Variants in KCNK13 observed in about 807,000 individuals in gnomAD.
The protein encoded by KCNK13 is potassium two pore domain channel subfamily K member 13, also known as potassium channel subfamily K member 13.
KCNK13 carries 12 observed loss-of-function variants against 23.4 expected under a neutral mutation model. The ratio of observed to expected loss-of-function variants is 0.51; its 90% CI spans 0.33 to 0.83. The LOEUF (loss-of-function observed/expected upper bound fraction) is 0.83. Among genes scored for constraint, KCNK13 ranks in the 40% least tolerant of loss-of-function variants. The pLI, the probability that KCNK13 is intolerant of heterozygous loss-of-function variation, is 0.02. For synonymous variants in KCNK13, 231 were observed against 229.5 expected (o/e 1.01, Z -0.06); for missense variants, 463 against 556.3 (o/e 0.83, Z 1.69).
In KCNK13 at chr14:90,168,307, G is replaced by T. The variant is rs1890327154; in HGVS notation, c.335-15804G>T. Among the ~76,000 whole-genome samples, 3 of 152,006 alleles carry T rather than the reference G, an allele frequency of 2.0e-5. No homozygotes were observed. In the South Asian group the frequency reaches 6.2e-4, roughly 32 times the overall value. On this transcript the variant is annotated intron_variant, in intron 1 of 1. Coordinates refer to ENST00000282146, the MANE Select transcript of KCNK13 (RefSeq NM_022054.4). ...GATTGCTTGTGCCCAGGAGGTTGAG[G>T]CTGCAGTGAGCTGAGGTCACACCAC... is the stretch of plus-strand genomic sequence containing the variant.
rs1888963176 is a variant in KCNK13, at chr14:90,062,927, AG to A, written c.334+391del. 6.6e-6 allele frequency among the ~76,000 whole-genome samples: 1 copy of A among 152,178 alleles called. No individual in the cohort carries two copies. Among genetic ancestry groups the A allele is most frequent in the Non-Finnish European group, 1.5e-5 (1 of 68,024 alleles). On this transcript the variant is annotated intron_variant, in intron 1 of 1. Coordinates refer to ENST00000282146, the MANE Select transcript of KCNK13 (RefSeq NM_022054.4). This position sits in a 1 kb window ranked among gnomAD's most constrained non-coding sequence, Gnocchi z 4.5. ...CATGGGGAAGAAGGCTTTTACAGAT[AG>A]GGACAGGAAACTAAACATTTACTGA...
chr14:90,183,958 G>C (rs1416412722), intron 1 of KCNK13, among the ~76,000 whole-genome samples, 153 bp from the exon 2 acceptor site: 1 of 152,160 alleles, frequency 6.6e-6, no homozygotes, highest in East Asian at 1.9e-4. Context: ...TTCAAAAGCA[G>C]GTGAGAATTC....
chr14:90,087,148 ATATATATT>A (rs1889289205), intron 1 of KCNK13, among the ~76,000 whole-genome samples: 3 of 79,822 alleles, frequency 3.8e-5, no homozygotes, highest in Non-Finnish European at 8.2e-5. Flanking sequence ...ATATATATAT[ATATATATT>A]TTTTTTTTTT....
intron 1 of KCNK13, among the ~76,000 whole-genome samples, chr14:90,143,562 T>C (rs1438142720): frequency 1.3e-5 from 2 of 152,174 alleles, no homozygotes; most frequent in East Asian, 3.9e-4. Context: ...TCTAGATTAT[T>C]GCAGCTGTAT....
chr14:90,088,034 G>A lies in KCNK13; in HGVS notation c.334+25495G>A, dbSNP rs567585178. On this transcript the variant is annotated intron_variant, in intron 1 of 1. Coordinates refer to ENST00000282146, the MANE Select transcript of KCNK13 (RefSeq NM_022054.4). Reference sequence around the variant, plus strand: ...TTTTTAATTTTTGAGACAGAGTCTCGCTCTATCACCCAGGCTGGAGTGCAG... The same window carrying A: ...TTTTTAATTTTTGAGACAGAGTCTCACTCTATCACCCAGGCTGGAGTGCAG... Among the ~76,000 whole-genome samples, 9 of 151,946 alleles carry A rather than the reference G, an allele frequency of 5.9e-5. No homozygotes were observed. In the South Asian group the frequency reaches 1.0e-3, roughly 18 times the overall value.
intron 1 of KCNK13, among the ~76,000 whole-genome samples, chr14:90,141,489 C>A (rs1158349469): frequency 2.0e-5 from 3 of 151,898 alleles, no homozygotes; most frequent in African/African-American, 4.8e-5. Flanking sequence ...TAGAGTTTCG[C>A]TCTCGTTGCC....
intron 1 of KCNK13, among the ~76,000 whole-genome samples, chr14:90,131,947 G>A (rs764003621): frequency 3.9e-5 from 6 of 152,194 alleles, no homozygotes; most frequent in Non-Finnish European, 2.9e-5. Flanking sequence ...CCAAAGAATC[G>A]AAAGTAGGAT....
intron 1 of KCNK13, among the ~76,000 whole-genome samples, chr14:90,076,889 C>G (rs966728226): frequency 2.6e-5 from 4 of 152,104 alleles, no homozygotes; most frequent in Non-Finnish European, 5.9e-5. Flanking sequence ...GCGTGATCTC[C>G]GCTCACTGGA....
intron 1 of KCNK13, among the ~76,000 whole-genome samples, chr14:90,180,211 T>C (rs763051479): frequency 6.6e-6 from 1 of 152,194 alleles, no homozygotes. Flanking sequence ...AGTAGACTAA[T>C]AATACCCAGC....
intron 1 of KCNK13, among the ~76,000 whole-genome samples, chr14:90,085,480 G>A (rs375483334): frequency 6.6e-6 from 1 of 150,626 alleles, no homozygotes; most frequent in Non-Finnish European, 1.5e-5. Flanking sequence ...CCAACATGGC[G>A]AAACCCTGTC....
intron 1 of KCNK13, among the ~76,000 whole-genome samples, chr14:90,076,512 G>C (rs1889135987): frequency 6.6e-6 from 1 of 152,114 alleles, no homozygotes. Flanking sequence ...ATGTCAGATT[G>C]TCCCCCAACC....
chr14:90,086,894 G>A (rs1213501653), intron 1 of KCNK13, among the ~76,000 whole-genome samples: 1 of 150,882 alleles, frequency 6.6e-6, no homozygotes, highest in Non-Finnish European at 1.5e-5. Context: ...ACTAACCCCT[G>A]AGGGACTAAC....
intron 1 of KCNK13, among the ~76,000 whole-genome samples, chr14:90,082,357 G>T (rs1353421290): frequency 6.6e-6 from 1 of 151,996 alleles, no homozygotes; most frequent in Non-Finnish European, 1.5e-5. Context: ...GAGCCACCGT[G>T]CCTGGCCTCC....
intron 1 of KCNK13, among the ~76,000 whole-genome samples, chr14:90,107,034 T>C (rs1889552232): frequency 6.6e-6 from 1 of 151,892 alleles, no homozygotes; most frequent in Non-Finnish European, 1.5e-5. Context: ...AAAAAGAAAG[T>C]ACATAAATAT....
At chr14:90,126,397 C>T (rs1026991537) in intron 1 of KCNK13, among the ~76,000 whole-genome samples, 3 of 151,978 alleles carry the variant, frequency 2.0e-5, no homozygotes, top group South Asian at 2.1e-4. Flanking sequence ...TTAGCCTCAT[C>T]GGTGATAACT....
At chr14:90,173,351 C>T (rs946504218) in intron 1 of KCNK13, among the ~76,000 whole-genome samples, 1 of 152,032 alleles carries the variant, frequency 6.6e-6, no homozygotes, top group African/African-American at 2.4e-5. Context: ...AGTGAGACCC[C>T]ACCTCTAAAA....
intron 1 of KCNK13, among the ~76,000 whole-genome samples, chr14:90,150,350 C>T (rs1433386984): frequency 1.3e-5 from 2 of 151,048 alleles, no homozygotes; most frequent in East Asian, 1.9e-4. Flanking sequence ...TGTACTGGCT[C>T]ACACCTGTAA....
chr14:90,072,491 T>C (rs573243154), intron 1 of KCNK13, among the ~76,000 whole-genome samples: 14 of 152,298 alleles, frequency 9.2e-5, no homozygotes, highest in African/African-American at 2.9e-4. Context: ...AGTCCCCCAG[T>C]TGAAGGTTTG....
At chr14:90,072,868 A>G (rs1280631025) in intron 1 of KCNK13, among the ~76,000 whole-genome samples, 1 of 152,126 alleles carries the variant, frequency 6.6e-6, no homozygotes, top group Non-Finnish European at 1.5e-5. Context: ...TTACTATTGC[A>G]TAAAATAAAA....
Sources: gnomAD v4.1 joint callset for allele counts (sites outside exome capture counted in the v4.1 genomes callset) on GRCh38, gnomAD v4.1.1 for gene constraint, Gnocchi (gnomAD v3.1) non-coding constraint, MANE v1.5 for transcripts, NCBI Gene and HGNC (gene_info 2026-07-23, HGNC 2026-07-21) for gene names.